Variants in SLC4A10 observed in about 807,000 individuals in gnomAD.
SLC4A10 encodes the protein sodium-driven chloride bicarbonate exchanger.
Under a neutral mutation model 137.7 loss-of-function variants are expected in SLC4A10, and 42 were observed. That is an observed-to-expected ratio of 0.30 (90% CI 0.24 to 0.39). The LOEUF (loss-of-function observed/expected upper bound fraction) is 0.39. Ranked by LOEUF, SLC4A10 falls within the 10% of genes least tolerant of loss-of-function variation. The pLI is 1.00. For missense variants in SLC4A10, 925 were observed against 1,355.0 expected (o/e 0.68, Z 4.98); for synonymous variants, 474 against 464.1 (o/e 1.02, Z -0.27).
At chr2:161,893,855 T>A (rs1169448115) in intron 10 of SLC4A10, among the ~76,000 whole-genome samples, 1 of 152,002 alleles carries the variant, frequency 6.6e-6, no homozygotes, top group Non-Finnish European at 1.5e-5. Context: ...AAAGTACAGA[T>A]GCTCCTCAAC....
intron 1 of SLC4A10, among the ~76,000 whole-genome samples, chr2:161,685,956 G>A (rs955415833): frequency 9.9e-5 from 15 of 152,156 alleles, no homozygotes; most frequent in Non-Finnish European, 1.9e-4. Flanking sequence ...ATAGTCTGGT[G>A]ATGAAAATGG....
intron 15 of SLC4A10, among the ~76,000 whole-genome samples, chr2:161,916,661 C>A (rs535813320): frequency 5.8e-4 from 88 of 152,310 alleles, no homozygotes; most frequent in African/African-American, 2.0e-3. Flanking sequence ...CCTTCTGCTC[C>A]AGCCACACCA....
At chr2:161,656,561 A>G (rs2037560804) in intron 1 of SLC4A10, among the ~76,000 whole-genome samples, 1 of 152,186 alleles carries the variant, frequency 6.6e-6, no homozygotes, top group African/African-American at 2.4e-5. Context: ...ATGTATTCTG[A>G]ATATGGCTCA....
intron 3 of SLC4A10, 65 bp downstream of exon 3, chr2:161,804,660 G>T: frequency 6.9e-7 from 1 of 1,451,274 alleles, no homozygotes; most frequent in Admixed American, 2.3e-5. Context: ...ATACAATTAT[G>T]ATTAGGAGTA....
chr2:161,914,690 T>C (rs934608840), intron 15 of SLC4A10, among the ~76,000 whole-genome samples: 2 of 152,172 alleles, frequency 1.3e-5, no homozygotes, highest in African/African-American at 4.8e-5. Flanking sequence ...TTTGGGGAGC[T>C]AGCAGGAATA....
At chr2:161,838,709 A>G (rs892222203) in intron 3 of SLC4A10, among the ~76,000 whole-genome samples, 2 of 152,238 alleles carry the variant, frequency 1.3e-5, no homozygotes, top group African/African-American at 4.8e-5. Context: ...TGGATGTCAA[A>G]TAAACTCAGG....
intron 17 of SLC4A10, 86 bp from the exon 18 acceptor site, chr2:161,949,062 T>G: frequency 1.2e-6 from 1 of 806,152 alleles, no homozygotes; most frequent in East Asian, 2.6e-5. Context: ...ATAAAGTGTT[T>G]ATAAAGTGTG....
At chr2:161,680,291 G>C (rs2040713944) in intron 1 of SLC4A10, among the ~76,000 whole-genome samples, 1 of 152,136 alleles carries the variant, frequency 6.6e-6, no homozygotes, top group Non-Finnish European at 1.5e-5. Context: ...ATATTTAGAT[G>C]AGCTGGAATT....
intron 1 of SLC4A10, among the ~76,000 whole-genome samples, chr2:161,642,112 T>C (rs1328466062): frequency 1.3e-4 from 19 of 151,998 alleles, no homozygotes; most frequent in Admixed American, 1.2e-3. Flanking sequence ...ATTTGCCCCA[T>C]CTATTCAGAT....
At chr2:161,940,472 C>G (rs1237717266) in intron 15 of SLC4A10, among the ~76,000 whole-genome samples, 1 of 152,134 alleles carries the variant, frequency 6.6e-6, no homozygotes, top group Non-Finnish European at 1.5e-5. Context: ...CTGATTATTG[C>G]CCATGCTCAG....
Position 161,837,225 on chromosome 2 carries a change from A to T in SLC4A10, c.278-2564A>T, listed in dbSNP as rs149764851. Among the ~76,000 whole-genome samples the T allele has an allele frequency of 1.8e-3, 272 of 152,334 alleles. 1 individual carries two copies. Among genetic ancestry groups the T allele is most frequent in the African/African-American group, 6.3e-3 (263 of 41,580 alleles). ...GAAAATTCCGTGGAACCTACAAAAAAATTAGAAATAATAAGTAAGTTTAAT... is the reference window on the plus strand; with the variant it reads ...GAAAATTCCGTGGAACCTACAAAAATATTAGAAATAATAAGTAAGTTTAAT... On this transcript the variant is annotated intron_variant, in intron 3 of 26. Coordinates refer to ENST00000446997, the MANE Select transcript of SLC4A10 (RefSeq NM_001178015.2).
chr2:161,664,363 G>C (rs979680823), intron 1 of SLC4A10, among the ~76,000 whole-genome samples: 1 of 151,904 alleles, frequency 6.6e-6, no homozygotes, highest in Non-Finnish European at 1.5e-5. Flanking sequence ...TTGGTGAATT[G>C]TATAATGTTG....
chr2:161,867,085 CT>C (rs1011773262), intron 6 of SLC4A10, among the ~76,000 whole-genome samples: 1 of 151,912 alleles, frequency 6.6e-6, no homozygotes, highest in African/African-American at 2.4e-5. Flanking sequence ...CCATAAGTTA[CT>C]GAAAAGCAGT....
chr2:161,712,352 GTCTT>G (rs1026842036), intron 1 of SLC4A10, among the ~76,000 whole-genome samples: 14 of 151,506 alleles, frequency 9.2e-5, no homozygotes, highest in Non-Finnish European at 1.6e-4. Flanking sequence ...GCAACTTAAG[GTCTT>G]TCTTGTTTAT....
At chr2:161,686,483 A>G (rs1035734660) in intron 1 of SLC4A10, among the ~76,000 whole-genome samples, 1 of 152,178 alleles carries the variant, frequency 6.6e-6, no homozygotes, top group Non-Finnish European at 1.5e-5. Flanking sequence ...TAATTGTCTC[A>G]TTCTTCTTCA....
Position 161,904,017 on chromosome 2 carries a change from C to T in SLC4A10, c.1456C>T (p.Leu486Phe). The T allele has an allele frequency of 6.3e-7, 1 of 1,577,108 alleles. No homozygotes were observed. The highest frequency in any genetic ancestry group is 8.6e-7 in the Non-Finnish European group (1 of 1,159,770). The stretch of plus-strand genomic sequence containing the variant: ...CCCCTGTCTTAGGATTTTTGGGGGA[C>T]TTATTTTAGATATCAAAAGAAAAGC... ...LQRTGRIFGG[L>F]ILDIKRKAPY... Residue 486 changes from leucine to phenylalanine, a missense_variant, in exon 13 of 27, where the codon CTT (leucine) becomes TTT (phenylalanine). Coordinates refer to ENST00000446997, the MANE Select transcript of SLC4A10 (RefSeq NM_001178015.2).
chr2:161,804,368 G>A, intron 2 of SLC4A10, 81 bp from the exon 3 acceptor site: 2 of 1,405,856 alleles, frequency 1.4e-6, no homozygotes, highest in Non-Finnish European at 1.9e-6. Context: ...ATTAAATTGA[G>A]TCTCCATTAA....
intron 4 of SLC4A10, among the ~76,000 whole-genome samples, chr2:161,848,736 C>A (rs925304630): frequency 1.3e-5 from 2 of 151,978 alleles, no homozygotes; most frequent in African/African-American, 4.8e-5. Flanking sequence ...TTCCATTGGT[C>A]TATGTGTCTG....
At chr2:161,637,614 C>T (rs2034646694) in intron 1 of SLC4A10, among the ~76,000 whole-genome samples, 2 of 152,222 alleles carry the variant, frequency 1.3e-5, no homozygotes, top group South Asian at 2.1e-4. Context: ...AATATCTCTT[C>T]AACATATGGA....
Sources: gnomAD v4.1 joint callset for allele counts (sites outside exome capture counted in the v4.1 genomes callset) on GRCh38, gnomAD v4.1.1 for gene constraint, MANE v1.5 for transcripts, NCBI Gene and HGNC (gene_info 2026-07-23, HGNC 2026-07-21) for gene names.